Variants in PTCD2 observed in about 807,000 individuals in gnomAD.
PTCD2 encodes the protein pentatricopeptide repeat-containing protein 2, mitochondrial.
In PTCD2, 31 loss-of-function variants were observed where a neutral mutation model predicts 42.6. The ratio of observed to expected loss-of-function variants is 0.73; its 90% CI spans 0.55 to 0.98. The LOEUF (loss-of-function observed/expected upper bound fraction) is 0.98, where lower values mean the gene tolerates loss of function less well. PTCD2 is among the 50% of genes least tolerant of loss of function. PTCD2 has a pLI of 0.00. For synonymous variants in PTCD2, 183 were observed against 170.9 expected (o/e 1.07, Z -0.55); for missense variants, 476 against 454.8 (o/e 1.05, Z -0.42).
intron 6 of PTCD2, among the ~76,000 whole-genome samples, chr5:72,336,932 A>G (rs1751783622): frequency 6.6e-6 from 1 of 152,306 alleles, no homozygotes; most frequent in Admixed American, 6.5e-5. Context: ...AAGTAGAAGA[A>G]CATGGGCTGT....
chr5:72,365,875 AG>A lies in PTCD2; in HGVS notation c.*7451del. The A allele has an allele frequency of 1.3e-5, 2 of 152,324 alleles. No individual in the cohort carries two copies. The highest frequency in any genetic ancestry group is 1.3e-4 in the Admixed American group (2 of 15,306). 9.4% of individuals were successfully genotyped at this position (152,324 alleles called of 1,614,324 possible). A position where few individuals can be genotyped will look rare whatever the true frequency, so the allele number is the denominator to read the frequency against. On this transcript the variant is annotated 3_prime_UTR_variant, in exon 10 of 10. Transcript: ENST00000380639. ...ACAAAAACGGGGCTTATAAAAAGCCAGGGTTCATAAAATTACAAAGATTATA... is the reference window on the plus strand; with the variant it reads ...ACAAAAACGGGGCTTATAAAAAGCCAGGTTCATAAAATTACAAAGATTATA...
intron 8 of PTCD2, among the ~76,000 whole-genome samples, chr5:72,344,296 G>C (rs756186734): frequency 3.3e-5 from 5 of 152,178 alleles, no homozygotes; most frequent in Non-Finnish European, 7.3e-5. Context: ...GGTGGATCAT[G>C]AGGTCAGGAG....
chr5:72,325,453 G>A (rs962351229), intron 2 of PTCD2, among the ~76,000 whole-genome samples: 1 of 152,192 alleles, frequency 6.6e-6, no homozygotes, highest in Non-Finnish European at 1.5e-5. Context: ...CTGTGAGGAA[G>A]GTACCACGAT....
At chr5:72,340,099 C>T (rs924364711) in intron 7 of PTCD2, among the ~76,000 whole-genome samples, 1 of 151,986 alleles carries the variant, frequency 6.6e-6, no homozygotes, top group African/African-American at 2.4e-5. Context: ...TCGTTTGATG[C>T]TTTCTGTTTC....
chr5:72,333,829 TA>T (rs1166493811), intron 4 of PTCD2, among the ~76,000 whole-genome samples: 14 of 152,162 alleles, frequency 9.2e-5, no homozygotes, highest in African/African-American at 3.4e-4. Flanking sequence ...CTGTAATATA[TA>T]CATATTTCAA....
chr5:72,323,268 T>A (rs1750959404), intron 2 of PTCD2, among the ~76,000 whole-genome samples: 1 of 152,200 alleles, frequency 6.6e-6, no homozygotes, highest in Non-Finnish European at 1.5e-5. Context: ...GTAATGGCAC[T>A]TAGTGAGGGG....
intron 7 of PTCD2, among the ~76,000 whole-genome samples, chr5:72,339,419 T>A (rs73102434): frequency 0.017 from 2,665 of 152,328 alleles, 90 homozygotes; most frequent in African/African-American, 0.059. Context: ...CAAGCCAGGT[T>A]ATTTTCCTGG....
In PTCD2 at chr5:72,365,514, C is replaced by T. The variant is rs1435943279; in HGVS notation, c.*7087C>T. The stretch of plus-strand genomic sequence containing the variant: ...CCTACAACTCAATTTGATTTTGAAT[C>T]CGCAAGTGCAAGTCTCATTCCTGGT... On this transcript the variant is annotated 3_prime_UTR_variant, in exon 10 of 10. Transcript: ENST00000380639. 6.6e-6 allele frequency: 1 copy of T among 152,244 alleles called. No individual in the cohort carries two copies. 9.4% of individuals were successfully genotyped at this position (152,244 alleles called of 1,614,324 possible).
At position 72,366,370 on chromosome 5, in the gene PTCD2, G is replaced by A. The variant is rs1485000473; in HGVS notation, c.*7943G>A. Reference sequence around the variant, plus strand: ...AGAGACGTTTAGTTGCTTGCCTGTGGATATAACACTAGAGAGCGGGAGAGC... The same window carrying A: ...AGAGACGTTTAGTTGCTTGCCTGTGAATATAACACTAGAGAGCGGGAGAGC... On this transcript the variant is annotated 3_prime_UTR_variant, in exon 10 of 10. Coordinates refer to ENST00000380639, the MANE Select transcript of PTCD2 (RefSeq NM_024754.5). The A allele has an allele frequency of 2.0e-5, 3 of 152,190 alleles. No individual in the cohort carries two copies. Among genetic ancestry groups the A allele is most frequent in the Admixed American group, 1.3e-4 (2 of 15,268 alleles). The allele number at this position is 152,190 out of a possible 1,614,324, so 9.4% of individuals were successfully genotyped here.
chr5:72,334,996 C>G (rs1561382954), intron 4 of PTCD2, 22 bp from the exon 5 acceptor site: 3 of 1,487,824 alleles, frequency 2.0e-6, no homozygotes, highest in Admixed American at 3.4e-5. Flanking sequence ...TTTAACCAAA[C>G]TGTATTGTTC....
At position 72,352,768 on chromosome 5, in the gene PTCD2, T is replaced by C; in HGVS notation, c.942+14T>C. The C allele has an allele frequency of 7.9e-7, 1 of 1,259,830 alleles. No individual in the cohort carries two copies. Among genetic ancestry groups the C allele is most frequent in the Admixed American group, 1.8e-5 (1 of 56,020 alleles). The allele number at this position is 1,259,830 out of a possible 1,614,324, so 78.0% of individuals were successfully genotyped here. A position where few individuals can be genotyped will look rare whatever the true frequency, so the allele number is the denominator to read the frequency against. ...TCGGAGGAAGTGGTGAGTATGCAAG[T>C]GCTGCAGAAATCATTTAAAAGTGAA... is the stretch of plus-strand genomic sequence containing the variant. On this transcript the variant is annotated intron_variant, in intron 9 of 9. Transcript: ENST00000380639.
intron 4 of PTCD2, among the ~76,000 whole-genome samples, chr5:72,331,621 G>A (rs1306857102): frequency 6.6e-6 from 1 of 152,170 alleles, no homozygotes; most frequent in East Asian, 1.9e-4. Context: ...GTGTATCAAT[G>A]TGGGTTGTAC....
intron 2 of PTCD2, 21 bp downstream of exon 2, chr5:72,322,285 A>G: frequency 3.7e-6 from 5 of 1,367,046 alleles, no homozygotes; most frequent in Non-Finnish European, 5.2e-6. Context: ...CTATTTTGTT[A>G]ATTCTGTCAT....
chr5:72,358,116 C>A, intron 9 of PTCD2, 87 bp from the exon 10 acceptor site: 1 of 1,223,424 alleles, frequency 8.2e-7, no homozygotes, highest in Non-Finnish European at 1.2e-6. Context: ...CATTTTTGTT[C>A]ATGTCCATTT....
rs1273788712 is a variant in PTCD2, at chr5:72,367,296, A to C, written c.*8869A>C. ...TGGGGCTGGGATGGGGATTCTGATG[A>C]GAGATATCCCTGACAGAGACCAGAG... On this transcript the variant is annotated 3_prime_UTR_variant, in exon 10 of 10. Transcript: ENST00000380639. 1 of 152,134 alleles carries C rather than the reference A, an allele frequency of 6.6e-6. No individual in the cohort carries two copies. Among genetic ancestry groups the C allele is most frequent in the Non-Finnish European group, 1.5e-5 (1 of 68,052 alleles). The allele number at this position is 152,134 out of a possible 1,614,324, so 9.4% of individuals were successfully genotyped here.
chr5:72,356,718 G>A (rs2112237031), intron 9 of PTCD2, among the ~76,000 whole-genome samples: 1 of 152,304 alleles, frequency 6.6e-6, no homozygotes, highest in Non-Finnish European at 1.5e-5. Context: ...GCTTTTAGAA[G>A]CCATATGCTG....
chr5:72,327,052 C>G (rs368498631), intron 3 of PTCD2, among the ~76,000 whole-genome samples: 35 of 152,312 alleles, frequency 2.3e-4, no homozygotes, highest in Middle Eastern at 6.8e-3. Flanking sequence ...CACTCCTCTT[C>G]TTCTGTTTTC....
intron 3 of PTCD2, among the ~76,000 whole-genome samples, chr5:72,330,492 T>G (rs1751388715): frequency 6.6e-6 from 1 of 152,170 alleles, no homozygotes; most frequent in East Asian, 1.9e-4. Flanking sequence ...AATGAATAAG[T>G]CTTTCTAAAA....
chr5:72,332,910 A>C (rs1026927504), intron 4 of PTCD2, among the ~76,000 whole-genome samples: 1 of 152,218 alleles, frequency 6.6e-6, no homozygotes, highest in South Asian at 2.1e-4. Context: ...AATGCAATGT[A>C]TGTTAATTTT....
Sources: allele counts gnomAD v4.1 joint callset (sites outside exome capture counted in the v4.1 genomes callset), GRCh38; gene constraint gnomAD v4.1.1; transcripts MANE v1.5; gene names NCBI Gene and HGNC (gene_info 2026-07-23, HGNC 2026-07-21).